ZNF837: variants seen among roughly 807,000 people sequenced by gnomAD.
ZNF837 encodes zinc finger protein 837.
For missense variants in ZNF837, 955 were observed against 801.7 expected, an observed-to-expected ratio of 1.19 and a Z score of -2.31; for synonymous variants, 475 against 365.2, an observed-to-expected ratio of 1.30 and a Z score of -3.43.
chr19:58,371,712 T>C (rs10403381), intron 1 of ZNF837, among the ~76,000 whole-genome samples: 7,325 of 151,766 alleles, frequency 0.048, 567 homozygotes, highest in African/African-American at 0.16. Flanking sequence ...TATCCTCTTA[T>C]TTTATTTTAT....
Position 58,367,919 on chromosome 19 carries a change from C to G in ZNF837, c.1414G>C (p.Glu472Gln). The change falls in exon 3 of 3, where the codon GAG becomes CAG. Residue 472 changes from glutamate to glutamine, a missense_variant. Transcript: ENST00000597582. ...LRQHERLHSG[E>Q]KPYICRDCGK... ...CAGTCGCGGCAGATGTAGGGCTTCTCGCCCGAGTGCAGGCGCTCGTGCTGG... is the reference window on the plus strand; with the variant it reads ...CAGTCGCGGCAGATGTAGGGCTTCTGGCCCGAGTGCAGGCGCTCGTGCTGG... 2.6e-6 allele frequency: 4 copies of G among 1,534,272 alleles called. No individual in the cohort carries two copies. The highest frequency in any genetic ancestry group is 3.5e-6 in the Non-Finnish European group (4 of 1,144,042).
intron 1 of ZNF837, among the ~76,000 whole-genome samples, chr19:58,376,386 A>T (rs1018273182): frequency 2.0e-5 from 3 of 151,064 alleles, no homozygotes; most frequent in Non-Finnish European, 1.5e-5. Context: ...CCCCATCTCT[A>T]CTAAAAAAAA....
intron 1 of ZNF837, among the ~76,000 whole-genome samples, chr19:58,377,277 T>C (rs1047897984): frequency 1.4e-5 from 2 of 139,990 alleles, no homozygotes; most frequent in East Asian, 4.1e-4. Context: ...CTTTGGGAGG[T>C]GGGCAGATCA....
At chr19:58,379,167 AGGGTTGG>A (rs2052271487) in intron 1 of ZNF837, among the ~76,000 whole-genome samples, 1 of 152,190 alleles carries the variant, frequency 6.6e-6, no homozygotes, top group Non-Finnish European at 1.5e-5. Context: ...GTCTGAACAG[AGGGTTGG>A]GGAAGCTGGG....
At chr19:58,376,554 C>CAAAAAAAAAAAAAAAA (rs59075587) in intron 1 of ZNF837, among the ~76,000 whole-genome samples, 75 of 67,796 alleles carry the variant, frequency 1.1e-3, no homozygotes, top group Admixed American at 2.3e-3. Flanking sequence ...GACTCTGTCT[C>CAAAAAAAAAAAAAAAA]AAAAAAAAAA....
At chr19:58,377,657 A>G (rs942184230) in intron 1 of ZNF837, among the ~76,000 whole-genome samples, 1 of 152,144 alleles carries the variant, frequency 6.6e-6, no homozygotes, top group African/African-American at 2.4e-5. Flanking sequence ...AAGCAAAGAA[A>G]ACTCTTCATT....
chr19:58,375,943 G>C (rs1448920484), intron 1 of ZNF837, among the ~76,000 whole-genome samples: 3 of 151,510 alleles, frequency 2.0e-5, no homozygotes, highest in Non-Finnish European at 1.5e-5. Flanking sequence ...TTTTGACACA[G>C]AGTCTCGTTC....
intron 1 of ZNF837, among the ~76,000 whole-genome samples, chr19:58,374,958 T>TATAC (rs1555782388): frequency 7.6e-4 from 111 of 146,640 alleles, no homozygotes; most frequent in African/African-American, 2.2e-3. Context: ...TATATATATA[T>TATAC]ACACACACAC....
At chr19:58,373,800 G>A (rs781486967) in intron 1 of ZNF837, among the ~76,000 whole-genome samples, 15 of 152,242 alleles carry the variant, frequency 9.9e-5, no homozygotes, top group Non-Finnish European at 2.2e-4. Context: ...GTCTGGATGG[G>A]GTTCTCACAG....
chr19:58,379,069 G>T (rs1172421751), intron 1 of ZNF837, among the ~76,000 whole-genome samples: 3 of 152,220 alleles, frequency 2.0e-5, no homozygotes, highest in Non-Finnish European at 4.4e-5. Context: ...GAAACTAATA[G>T]AGACTGGTCT....
At position 58,369,214 on chromosome 19, in the gene ZNF837, G is replaced by A. The variant is rs1471380930; in HGVS notation, c.119C>T (p.Ala40Val). ...CCCCTTTTGAGTGGGGCGGCTCCCA[G>A]CTCGGTCCTCTTCGAGGGGCCTCGG... Reference protein sequence around the residue: ...EEPRPLEEDRAGSRPTQKGDL... With the variant: ...EEPRPLEEDRVGSRPTQKGDL... The change falls in exon 3 of 3, where the codon GCT becomes GTT. Residue 40 changes from alanine (A) to valine (V), a missense_variant. Transcript: ENST00000597582. 1.4e-6 allele frequency: 2 copies of A among 1,441,222 alleles called. No homozygotes were observed. The highest frequency in any genetic ancestry group is 1.8e-6 in the Non-Finnish European group (2 of 1,099,648). The allele number at this position is 1,441,222 out of a possible 1,614,324, so 89.3% of individuals were successfully genotyped here. A position where few individuals can be genotyped will look rare whatever the true frequency, so the allele number is the denominator to read the frequency against.
intron 1 of ZNF837, among the ~76,000 whole-genome samples, chr19:58,371,959 G>C (rs1335029118): frequency 6.6e-6 from 1 of 152,166 alleles, no homozygotes; most frequent in Admixed American, 6.5e-5. Flanking sequence ...CTGACCTTGT[G>C]ATCTGCCCAC....
chr19:58,368,167 T>A lies in ZNF837; in HGVS notation c.1166A>T (p.Lys389Met), dbSNP rs1349823658. The change falls in exon 3 of 3, where the codon AAG (lysine) becomes ATG (methionine). Residue 389 changes from lysine (K) to methionine (M), a missense_variant. By Grantham distance (95) the Lys-to-Met change is moderately conservative. Coordinates refer to ENST00000597582, the MANE Select transcript of ZNF837 (RefSeq NM_138466.2). ...VEHRRVHTGEKPYACPECGKA... is the reference protein window; with the variant it reads ...VEHRRVHTGEMPYACPECGKA... ...GCCGCACTCGGGGCACGCGTAGGGC[T>A]TCTCGCCGGTGTGCACGCGCCGGTG... 1 of 1,575,182 alleles carries A rather than the reference T, an allele frequency of 6.3e-7. No homozygotes were observed. The highest frequency in any genetic ancestry group is 1.8e-5 in the Admixed American group (1 of 54,860).
At chr19:58,372,167 G>A (rs2052208048) in intron 1 of ZNF837, among the ~76,000 whole-genome samples, 1 of 152,072 alleles carries the variant, frequency 6.6e-6, no homozygotes, top group South Asian at 2.1e-4. Flanking sequence ...CAATTCTCCT[G>A]CCTAAGCCTC....
Position 58,368,306 on chromosome 19 carries a change from G to A in ZNF837, c.1027C>T (p.Pro343Ser), listed in dbSNP as rs2052159891. 1 of 1,486,438 alleles carries A rather than the reference G, an allele frequency of 6.7e-7. No individual in the cohort carries two copies. Among genetic ancestry groups the A allele is most frequent in the Non-Finnish European group, 8.9e-7 (1 of 1,127,858 alleles). The allele number at this position is 1,486,438 out of a possible 1,614,324, so 92.1% of individuals were successfully genotyped here. ...ARRAFRLGCPPCGDYSERSPR... is the reference protein window; with the variant it reads ...ARRAFRLGCPSCGDYSERSPR... ...CTCCGCTCGCTGTAGTCCCCGCAGG[G>A]CGGGCACCCCAGCCGGAAGGCGCGC... is the stretch of plus-strand genomic sequence containing the variant. The change falls in exon 3 of 3, where the codon CCC (proline) becomes TCC (serine). Residue 343 changes from proline (P) to serine (S), a missense_variant. Transcript: ENST00000597582.
At chr19:58,377,071 G>C (rs1218698100) in intron 1 of ZNF837, among the ~76,000 whole-genome samples, 3 of 151,058 alleles carry the variant, frequency 2.0e-5, no homozygotes, top group African/African-American at 7.3e-5. Context: ...CAAAAAATTA[G>C]CCAGGCGAGG....
chr19:58,372,330 A>C (rs2052209363), intron 1 of ZNF837, among the ~76,000 whole-genome samples: 1 of 151,360 alleles, frequency 6.6e-6, no homozygotes, highest in African/African-American at 2.4e-5. Flanking sequence ...AAGTGCTGGG[A>C]TTATAGGCGT....
At chr19:58,375,703 C>G (rs988143671) in intron 1 of ZNF837, among the ~76,000 whole-genome samples, 21 of 151,624 alleles carry the variant, frequency 1.4e-4, no homozygotes, top group Middle Eastern at 3.4e-3. Context: ...GCCTCGGCCT[C>G]CCAAAGTGCT....
At chr19:58,374,932 CAAAAA>C (rs1213321585) in intron 1 of ZNF837, among the ~76,000 whole-genome samples, 1 of 126,334 alleles carries the variant, frequency 7.9e-6, no homozygotes, top group Non-Finnish European at 1.7e-5. Context: ...GACTCCATCT[CAAAAA>C]AAAAAAATTA....
Sources: allele counts gnomAD v4.1 joint callset (sites outside exome capture counted in the v4.1 genomes callset), GRCh38; gene constraint gnomAD v4.1.1; transcripts MANE v1.5; gene names NCBI Gene and HGNC (gene_info 2026-07-23, HGNC 2026-07-21).